Variants in KCNH6 observed in about 807,000 individuals in gnomAD.
KCNH6 encodes potassium voltage-gated channel subfamily H member 6.
Under a neutral mutation model 83.4 loss-of-function variants are expected in KCNH6, and 81 were observed. The ratio of observed to expected loss-of-function variants is 0.97; its 90% confidence interval spans 0.81 to 1.17. The LOEUF (loss-of-function observed/expected upper bound fraction) is 1.17. Ranked by LOEUF, KCNH6 falls within the 50% of genes most tolerant of loss-of-function variation. The pLI, the probability that KCNH6 is intolerant of heterozygous loss-of-function variation, is 0.00. For synonymous variants in KCNH6, 503 were observed against 545.6 expected (o/e 0.92, Z 1.09); for missense variants, 1,203 against 1,290.5 (o/e 0.93, Z 1.04).
chr17:63,546,398 AG>A lies in KCNH6; in HGVS notation c.*497del, dbSNP rs2033148391. 6.4e-6 allele frequency: 1 copy of A among 156,854 alleles called. No homozygotes were observed. The highest frequency in any genetic ancestry group is 1.9e-4 in the South Asian group (1 of 5,338). The allele number at this position is 156,854 out of a possible 1,614,324, so 9.7% of individuals were successfully genotyped here. A position where few individuals can be genotyped will look rare whatever the true frequency, so the allele number is the denominator to read the frequency against. On this transcript the variant is annotated 3_prime_UTR_variant, in exon 13 of 13. Coordinates refer to ENST00000314672, the MANE Select transcript of KCNH6 (RefSeq NM_001278919.2). ...CCTCCAGGGCTCCATTTAAACAGCA[AG>A]CCTGGTGCAGGGTGGGAGAGTCTCA... is the stretch of plus-strand genomic sequence containing the variant.
At chr17:63,531,648 G>A (rs931314159) in intron 4 of KCNH6, among the ~76,000 whole-genome samples, 5 of 152,236 alleles carry the variant, frequency 3.3e-5, no homozygotes, top group African/African-American at 1.2e-4. Flanking sequence ...GCAGGACTGT[G>A]TCCTCTGAGG....
intron 12 of KCNH6, 21 bp downstream of exon 12, chr17:63,545,285 C>T: frequency 6.2e-7 from 1 of 1,610,440 alleles, no homozygotes; most frequent in Non-Finnish European, 8.5e-7. Context: ...AGGGGATTCC[C>T]AGGGGCTTAC....
chr17:63,544,239 C>T lies in KCNH6; in HGVS notation c.2234-10C>T, dbSNP rs1245951554. ...TAGGCCCAGCTGAGACTTCCCTTTC[C>T]CTCCTGCAGATGCAGCCCCTCCCCT... On this transcript the variant is annotated splice_polypyrimidine_tract_variant and intron_variant, in intron 10 of 12. Coordinates refer to ENST00000314672, the MANE Select transcript of KCNH6 (RefSeq NM_001278919.2). The T allele has an allele frequency of 1.3e-6, 2 of 1,583,098 alleles. No individual in the cohort carries two copies. The highest frequency in any genetic ancestry group is 3.5e-5 in the Admixed American group (2 of 57,240).
chr17:63,532,149 A>G (rs12937836), intron 4 of KCNH6, among the ~76,000 whole-genome samples: 92,050 of 151,968 alleles, frequency 0.61, 28,680 homozygotes, highest in Middle Eastern at 0.74. Context: ...GGGCCCTGAG[A>G]AGCTGAGGAA....
chr17:63,525,676 G>T (rs1301150400), intron 2 of KCNH6, among the ~76,000 whole-genome samples: 1 of 152,188 alleles, frequency 6.6e-6, no homozygotes, highest in Non-Finnish European at 1.5e-5. Flanking sequence ...TTCTCGGGTA[G>T]GTCCTGGTTG....
Position 63,538,677 on chromosome 17 carries a change from G to T in KCNH6, c.1954+15G>T. 6.4e-7 allele frequency: 1 copy of T among 1,567,130 alleles called. No individual in the cohort carries two copies. The highest frequency in any genetic ancestry group is 8.7e-7 in the Non-Finnish European group (1 of 1,152,370). On this transcript the variant is annotated intron_variant, in intron 8 of 12. Transcript: ENST00000314672. The surrounding 1 kb of genome is among the most constrained non-coding windows in gnomAD (Gnocchi z 4.0). Reference sequence around the variant, plus strand: ...GGCCATCCTAGGTGGGTCCGGCGGAGTGGACCAGGCCTGTGTTGGGGATTG... The same window carrying T: ...GGCCATCCTAGGTGGGTCCGGCGGATTGGACCAGGCCTGTGTTGGGGATTG...
chr17:63,529,988 G>T (rs2031975337), intron 2 of KCNH6, 103 bp from the exon 3 acceptor site: 1 of 1,255,204 alleles, frequency 8.0e-7, no homozygotes, highest in Non-Finnish European at 1.1e-6. Flanking sequence ...TTCACCCGTG[G>T]CTGCCCTTCA....
intron 6 of KCNH6, 67 bp downstream of exon 6, chr17:63,536,135 G>T: frequency 7.2e-7 from 1 of 1,380,370 alleles, no homozygotes; most frequent in African/African-American, 1.4e-5. Flanking sequence ...TTTATGTGTA[G>T]TTTTGTACTG....
intron 6 of KCNH6, among the ~76,000 whole-genome samples, chr17:63,536,952 CAAAAAAAAAAAAA>C (rs60039258): frequency 7.1e-5 from 4 of 56,510 alleles, no homozygotes; most frequent in African/African-American, 2.4e-4. Context: ...GACTCCGTCT[CAAAAAAAAAAAAA>C]AAAAAAAAAA....
Position 63,524,162 on chromosome 17 carries a change from G to A in KCNH6, c.100G>A (p.Ala34Thr), listed in dbSNP as rs763234177. ...GQSRKFLIAN[A>T]QMENCAIIYC... is the part of the protein sequence containing the mutation. ...AGGTCGGAAGTTCCTGATTGCCAAT[G>A]CTCAGATGGAGAACTGCGCCATCAT... The change falls in exon 2 of 13, where the codon GCT becomes ACT. Residue 34 changes from alanine to threonine, a missense_variant. Physicochemically the swap from Ala to Thr is moderately conservative, Grantham distance 58 (BLOSUM62 0). Coordinates refer to ENST00000314672, the MANE Select transcript of KCNH6 (RefSeq NM_001278919.2). 18 of 1,613,992 alleles carry A rather than the reference G, an allele frequency of 1.1e-5. No individual in the cohort carries two copies. Among genetic ancestry groups the A allele is most frequent in the Non-Finnish European group, 1.5e-5 (18 of 1,179,928 alleles).
chr17:63,526,626 G>A (rs562906480), intron 2 of KCNH6, among the ~76,000 whole-genome samples: 12 of 152,136 alleles, frequency 7.9e-5, no homozygotes, highest in African/African-American at 2.9e-4. Context: ...CTGCTGAGGG[G>A]CATCCTAATG....
In KCNH6 at chr17:63,543,802, G is replaced by A. The variant is rs1330939362; in HGVS notation, c.2233+142G>A. 4 of 654,518 alleles carry A rather than the reference G, an allele frequency of 6.1e-6. No homozygotes were observed. In the East Asian group the frequency reaches 1.1e-4, roughly 17 times the overall value. 40.5% of individuals were successfully genotyped at this position (654,518 alleles called of 1,614,324 possible). A position where few individuals can be genotyped will look rare whatever the true frequency, so the allele number is the denominator to read the frequency against. On this transcript the variant is annotated intron_variant, in intron 10 of 12. Transcript: ENST00000314672. Reference sequence around the variant, plus strand: ...GGCTCCCTCTCTAGACCCAGAGCTGGAGCCTTGGCCCTCCTTCCTCCCCAG... The same window carrying A: ...GGCTCCCTCTCTAGACCCAGAGCTGAAGCCTTGGCCCTCCTTCCTCCCCAG...
At chr17:63,526,447 A>C (rs2031721254) in intron 2 of KCNH6, among the ~76,000 whole-genome samples, 2 of 150,440 alleles carry the variant, frequency 1.3e-5, no homozygotes, top group East Asian at 3.9e-4. Context: ...GCTGGCAAGA[A>C]CATAGCTCAC....
At chr17:63,524,734 G>A (rs1395617887) in intron 2 of KCNH6, among the ~76,000 whole-genome samples, 1 of 152,202 alleles carries the variant, frequency 6.6e-6, no homozygotes, top group Admixed American at 6.5e-5. Context: ...AGGATTAGAG[G>A]AGGAGTCACC....
intron 2 of KCNH6, 23 bp from the exon 3 acceptor site, chr17:63,530,068 C>A (rs747432560): frequency 1.2e-6 from 2 of 1,610,970 alleles, no homozygotes; most frequent in South Asian, 2.2e-5. Flanking sequence ...GCCCACCCCC[C>A]ATCCTCCCAA....
At chr17:63,524,975 C>T (rs192218733) in intron 2 of KCNH6, among the ~76,000 whole-genome samples, 4 of 152,254 alleles carry the variant, frequency 2.6e-5, no homozygotes, top group Admixed American at 1.3e-4. Context: ...CCTTGGAAAT[C>T]CTCCCCCACC....
Position 63,544,240 on chromosome 17 carries a change from C to T in KCNH6, c.2234-9C>T, listed in dbSNP as rs1298974130. On this transcript the variant is annotated splice_polypyrimidine_tract_variant and intron_variant, in intron 10 of 12. Coordinates refer to ENST00000314672, the MANE Select transcript of KCNH6 (RefSeq NM_001278919.2). ...AGGCCCAGCTGAGACTTCCCTTTCCCTCCTGCAGATGCAGCCCCTCCCCTG... is the reference window on the plus strand; with the variant it reads ...AGGCCCAGCTGAGACTTCCCTTTCCTTCCTGCAGATGCAGCCCCTCCCCTG... The T allele has an allele frequency of 1.3e-6, 2 of 1,583,320 alleles. No homozygotes were observed. Among genetic ancestry groups the T allele is most frequent in the South Asian group, 2.3e-5 (2 of 87,824 alleles).
intron 11 of KCNH6, 97 bp downstream of exon 11, chr17:63,544,508 G>C: frequency 8.9e-7 from 1 of 1,120,836 alleles, no homozygotes; most frequent in Non-Finnish European, 1.2e-6. Context: ...TTAGAATGGG[G>C]CAGGCCATTT....
chr17:63,536,082 C>T lies in KCNH6; in HGVS notation c.1501+14C>T, dbSNP rs765966760. 6.2e-7 allele frequency: 1 copy of T among 1,608,926 alleles called. No individual in the cohort carries two copies. Among genetic ancestry groups the T allele is most frequent in the Admixed American group, 1.7e-5 (1 of 59,910 alleles). ...TGCTCATCGGCTGTGAGTGAGACCTCATGCCACGGCCTAACTTCATGCTCT... is the reference window on the plus strand; with the variant it reads ...TGCTCATCGGCTGTGAGTGAGACCTTATGCCACGGCCTAACTTCATGCTCT... On this transcript the variant is annotated intron_variant, in intron 6 of 12. Transcript: ENST00000314672.
Sources: gnomAD v4.1 joint callset for allele counts (sites outside exome capture counted in the v4.1 genomes callset) on GRCh38, gnomAD v4.1.1 for gene constraint, Gnocchi (gnomAD v3.1) non-coding constraint, MANE v1.5 for transcripts, NCBI Gene and HGNC (gene_info 2026-07-23, HGNC 2026-07-21) for gene names.